C7orf78: variants seen among roughly 807,000 people sequenced by gnomAD.
The protein encoded by C7orf78 is chromosome 7 open reading frame 78, also known as putative uncharacterized protein C7orf78.
the C7orf78 span, among the ~76,000 whole-genome samples, chr7:12,492,195 T>G: frequency 6.6e-6 from 1 of 152,296 alleles, no homozygotes. Context: ...TGCTTAAAAC[T>G]ACTGCGATGG....
the C7orf78 span, chr7:12,542,107 C>T: frequency 1.3e-5 from 2 of 152,054 alleles, no homozygotes; most frequent in African/African-American, 4.8e-5. Flanking sequence ...AATGCTATTG[C>T]CAGTTTTATC....
the C7orf78 span, among the ~76,000 whole-genome samples, chr7:12,497,274 C>T: frequency 2.0e-5 from 3 of 152,120 alleles, no homozygotes; most frequent in Admixed American, 6.5e-5. Context: ...GCCTGAGCGA[C>T]GCAGAAGACG....
chr7:12,518,868 C>A, the C7orf78 span, among the ~76,000 whole-genome samples: 1 of 152,086 alleles, frequency 6.6e-6, no homozygotes, highest in East Asian at 1.9e-4. Context: ...CAGCAGTCTC[C>A]TACAAGCAGC....
At chr7:12,538,791 C>T in the C7orf78 span, among the ~76,000 whole-genome samples, 1 of 152,148 alleles carries the variant, frequency 6.6e-6, no homozygotes, top group Admixed American at 6.5e-5. Context: ...TTTCCTTTCC[C>T]CTTTCCCTCA....
the C7orf78 span, among the ~76,000 whole-genome samples, chr7:12,537,906 GTA>G: frequency 6.6e-6 from 1 of 151,612 alleles, no homozygotes; most frequent in Non-Finnish European, 1.5e-5. Context: ...TATGTACAAT[GTA>G]TATATATATA....
the C7orf78 span, among the ~76,000 whole-genome samples, chr7:12,490,638 T>A: frequency 2.0e-5 from 3 of 152,072 alleles, no homozygotes; most frequent in Non-Finnish European, 4.4e-5. Flanking sequence ...AAGAGCTATC[T>A]TTGAGACTGG....
the C7orf78 span, among the ~76,000 whole-genome samples, chr7:12,503,268 GA>G: frequency 0.022 from 3,258 of 150,906 alleles, 125 homozygotes; most frequent in African/African-American, 0.076. Flanking sequence ...AAACACAAAA[GA>G]AAAAAAATAT....
At chr7:12,519,074 T>C in the C7orf78 span, among the ~76,000 whole-genome samples, 19 of 152,096 alleles carry the variant, frequency 1.2e-4, no homozygotes, top group African/African-American at 4.1e-4. Flanking sequence ...GCTTCAGCAC[T>C]GTGCAGAAGA....
At chr7:12,516,810 C>G in the C7orf78 span, among the ~76,000 whole-genome samples, 2 of 152,118 alleles carry the variant, frequency 1.3e-5, no homozygotes, top group African/African-American at 2.4e-5. Context: ...TTTGTTTTGG[C>G]CACTTTCTCC....
the C7orf78 span, among the ~76,000 whole-genome samples, chr7:12,540,731 T>C: frequency 6.6e-6 from 1 of 152,232 alleles, no homozygotes; most frequent in Admixed American, 6.5e-5. Context: ...TCAACCATTC[T>C]TTTTTGTTAT....
the C7orf78 span, among the ~76,000 whole-genome samples, chr7:12,523,690 T>A: frequency 6.6e-6 from 1 of 152,166 alleles, no homozygotes; most frequent in Non-Finnish European, 1.5e-5. Context: ...ATAGGCTTTC[T>A]TAGGTTTCAA....
the C7orf78 span, chr7:12,531,127 T>G: frequency 2.5e-6 from 1 of 398,244 alleles, no homozygotes; most frequent in Non-Finnish European, 4.4e-6. Context: ...TGTTAGATAC[T>G]TATATTAACT....
chr7:12,518,741 G>C, the C7orf78 span, among the ~76,000 whole-genome samples: 2 of 152,132 alleles, frequency 1.3e-5, no homozygotes, highest in Non-Finnish European at 2.9e-5. Flanking sequence ...GGTGTGCAGG[G>C]GGATAGGCTG....
At chr7:12,532,563 G>T in the C7orf78 span, among the ~76,000 whole-genome samples, 1 of 138,762 alleles carries the variant, frequency 7.2e-6, no homozygotes, top group Non-Finnish European at 1.6e-5. Context: ...AAAAAAAAAA[G>T]AAAAAGAAAA....
the C7orf78 span, among the ~76,000 whole-genome samples, chr7:12,515,738 C>A: frequency 0.17 from 25,244 of 152,016 alleles, 3,389 homozygotes; most frequent in African/African-American, 0.37. Context: ...GGAACTGGAG[C>A]AAAGGTGACT....
the C7orf78 span, among the ~76,000 whole-genome samples, chr7:12,539,695 G>A: frequency 0.72 from 109,583 of 152,050 alleles, 39,644 homozygotes; most frequent in Middle Eastern, 0.86. Flanking sequence ...GTATTGCCAA[G>A]GAAGAAGTCT....
chr7:12,512,315 G>A, the C7orf78 span, among the ~76,000 whole-genome samples: 1 of 152,082 alleles, frequency 6.6e-6, no homozygotes, highest in South Asian at 2.1e-4. Flanking sequence ...TATCATGTTA[G>A]CTGTGGGTTT....
chr7:12,484,064 G>A, the C7orf78 span: 1 of 152,072 alleles, frequency 6.6e-6, no homozygotes, highest in Non-Finnish European at 1.5e-5. Context: ...ATATGGAATG[G>A]ATATTGAAAA....
At chr7:12,519,795 G>A in the C7orf78 span, among the ~76,000 whole-genome samples, 11,716 of 152,204 alleles carry the variant, frequency 0.077, 650 homozygotes, top group African/African-American at 0.16. Flanking sequence ...CTGTGCCTCC[G>A]TAGCCCTCTG....
Sources: gnomAD v4.1 joint callset for allele counts (sites outside exome capture counted in the v4.1 genomes callset) on GRCh38, gnomAD v4.1.1 for gene constraint, MANE v1.5 for transcripts, NCBI Gene and HGNC (gene_info 2026-07-23, HGNC 2026-07-21) for gene names.